CELF5: variants seen among roughly 807,000 people sequenced by gnomAD.
CELF5 encodes CUG-BP and ETR-3 like factor 5.
In CELF5, 6 loss-of-function variants were observed where a neutral mutation model predicts 54.9. The observed-to-expected ratio is 0.11, with a 90% CI of 0.06 to 0.22. CELF5 has a LOEUF of 0.22. Ranked by LOEUF, CELF5 falls within the 10% of genes least tolerant of loss-of-function variation. CELF5 has a pLI of 1.00. For missense variants in CELF5, 401 were observed against 678.6 expected, an observed-to-expected ratio of 0.59 and a Z score of 4.54; for synonymous variants, 271 against 290.9, an observed-to-expected ratio of 0.93 and a Z score of 0.70.
rs1390286007 is a variant in CELF5 at position 3,224,768 on chromosome 19, G to T, written c.29G>T (p.Arg10Leu). MARLTESEA[R>L]RQQQQLLQPR... Reference sequence around the variant, plus strand: ...GCCCGCCTGACGGAGAGCGAGGCGCGCCGGCAGCAGCAGCAGCTCCTGCAG... The same window carrying T: ...GCCCGCCTGACGGAGAGCGAGGCGCTCCGGCAGCAGCAGCAGCTCCTGCAG... Residue 10 changes from arginine to leucine, a missense_variant, in exon 1 of 13, where the codon CGC becomes CTC. Around this residue, in one of 6 missense-constraint regions of CELF5, gnomAD observed 46 missense variants for 55.0 expected, o/e 0.84. Transcript: ENST00000292672. 7.0e-7 allele frequency: 1 copy of T among 1,437,634 alleles called. No individual in the cohort carries two copies. The highest frequency in any genetic ancestry group is 2.9e-5 in the Admixed American group (1 of 34,050). The allele number at this position is 1,437,634 out of a possible 1,614,324, so 89.1% of individuals were successfully genotyped here.
At chr19:3,240,828 C>T (rs2079480995) in intron 1 of CELF5, among the ~76,000 whole-genome samples, 1 of 152,034 alleles carries the variant, frequency 6.6e-6, no homozygotes, top group South Asian at 2.1e-4. Flanking sequence ...GCTCTGCCTC[C>T]TCCTAGCAGG....
At chr19:3,261,204 G>A (rs770136582) in intron 2 of CELF5, among the ~76,000 whole-genome samples, 4 of 152,092 alleles carry the variant, frequency 2.6e-5, no homozygotes, top group Non-Finnish European at 5.9e-5. Flanking sequence ...GGGATCATGA[G>A]GTCAGGAGTT....
intron 11 of CELF5, among the ~76,000 whole-genome samples, chr19:3,292,378 G>A (rs532365819): frequency 6.6e-6 from 1 of 151,158 alleles, no homozygotes; most frequent in Non-Finnish European, 1.5e-5. Context: ...CCATCTCCCA[G>A]GCTCAAGCGA....
intron 2 of CELF5, among the ~76,000 whole-genome samples, chr19:3,269,467 C>A (rs920066223): frequency 6.6e-6 from 1 of 152,108 alleles, no homozygotes; most frequent in Non-Finnish European, 1.5e-5. Context: ...CGTGAGCCAC[C>A]GCGCCCGGCC....
intron 11 of CELF5, 116 bp downstream of exon 11, chr19:3,290,490 A>G: frequency 8.6e-7 from 1 of 1,165,918 alleles, no homozygotes. Context: ...AATCACAATC[A>G]GAACCAGCCT....
intron 8 of CELF5, among the ~76,000 whole-genome samples, chr19:3,283,807 A>G (rs907816107): frequency 1.3e-5 from 2 of 151,390 alleles, no homozygotes; most frequent in Non-Finnish European, 2.9e-5. Context: ...ATTCAACTCC[A>G]GACGGTATTC....
chr19:3,292,564 G>A (rs182117647), intron 11 of CELF5, among the ~76,000 whole-genome samples: 2 of 152,158 alleles, frequency 1.3e-5, no homozygotes, highest in African/African-American at 2.4e-5. Flanking sequence ...GATTACAGGC[G>A]TGAGCCACCA....
chr19:3,247,851 G>A lies in CELF5; in HGVS notation c.260-3134G>A, dbSNP rs534382463. Among the ~76,000 whole-genome samples the A allele has an allele frequency of 1.3e-4, 19 of 151,134 alleles. No homozygotes were observed. The South Asian group carries it at 2.9e-3, about 23-fold the overall frequency. On this transcript the variant is annotated intron_variant, in intron 1 of 12. Transcript: ENST00000292672. ...ATCTTGGCTCATTGCAAACTCTGCC[G>A]CCCGGGTTCAAACGATTCTCATGAC...
At chr19:3,233,840 A>G (rs1027097031) in intron 1 of CELF5, among the ~76,000 whole-genome samples, 7 of 152,204 alleles carry the variant, frequency 4.6e-5, no homozygotes, top group African/African-American at 1.4e-4. Flanking sequence ...GACAATGTGG[A>G]TTCTGGGTCC....
At chr19:3,286,708 G>T (rs1237918010) in intron 10 of CELF5, 2 of 147,396 alleles carry the variant, frequency 1.4e-5, no homozygotes, top group Admixed American at 6.9e-5. Context: ...CTCCAGCCTG[G>T]GTGAGAGAGC....
At chr19:3,258,771 C>G (rs1285043432) in intron 2 of CELF5, among the ~76,000 whole-genome samples, 14 of 151,918 alleles carry the variant, frequency 9.2e-5, no homozygotes, top group Non-Finnish European at 1.6e-4. Context: ...GCCACCACGC[C>G]TGGCTAGTTT....
At chr19:3,279,986 A>G (rs1312254369) in intron 5 of CELF5, among the ~76,000 whole-genome samples, 1 of 152,130 alleles carries the variant, frequency 6.6e-6, no homozygotes, top group Admixed American at 6.5e-5. Flanking sequence ...TACAGGCATG[A>G]GCCACTGTGC....
At chr19:3,283,089 C>T (rs1599474120) in intron 8 of CELF5, among the ~76,000 whole-genome samples, 1 of 152,158 alleles carries the variant, frequency 6.6e-6, no homozygotes, top group African/African-American at 2.4e-5. Context: ...CTGCGCCCAG[C>T]CCATAAATCT....
chr19:3,282,399 G>A lies in CELF5; in HGVS notation c.940G>A (p.Val314Met), dbSNP rs200977944. 665 of 1,612,198 alleles carry A rather than the reference G, an allele frequency of 4.1e-4. No homozygotes were observed. The highest frequency in any genetic ancestry group is 5.2e-4 in the Non-Finnish European group (610 of 1,180,032). The change falls in exon 8 of 13, where the codon GTG (valine) becomes ATG (methionine). Residue 314 changes from valine to methionine, a missense_variant. Physicochemically the swap from Val to Met is conservative, Grantham distance 21. This residue lies in a region of CELF5 where 143 missense variants were observed against 147.6 expected (regional missense o/e 0.97). Transcript: ENST00000292672. The surrounding 1 kb of genome is among the most constrained non-coding windows in gnomAD (Gnocchi z 5.2). Reference protein sequence around the residue: ...LLGTTAVPGLVAPITNGFAGV... With the variant: ...LLGTTAVPGLMAPITNGFAGV... ...GGGCACCACCGCTGTGCCTGGCCTC[G>A]TGGCTCCCATCACCAATGGCTTTGC...
chr19:3,270,526 G>T (rs1275732229), intron 2 of CELF5: 1 of 149,134 alleles, frequency 6.7e-6, no homozygotes, highest in Non-Finnish European at 1.5e-5. Flanking sequence ...GCGCGGGCAG[G>T]GCCCGCCTGG....
chr19:3,282,014 C>G lies in CELF5; in HGVS notation c.751-112C>G. 8.2e-7 allele frequency: 1 copy of G among 1,217,442 alleles called. No homozygotes were observed. Among genetic ancestry groups the G allele is most frequent in the Non-Finnish European group, 1.2e-6 (1 of 842,736 alleles). The allele number at this position is 1,217,442 out of a possible 1,614,324, so 75.4% of individuals were successfully genotyped here. ...GCTCCAATTCTGATCTCAGCCTGAGCCAAGATACCCAGCCTGACCTCCTCA... is the reference window on the plus strand; with the variant it reads ...GCTCCAATTCTGATCTCAGCCTGAGGCAAGATACCCAGCCTGACCTCCTCA... On this transcript the variant is annotated intron_variant, in intron 6 of 12. Transcript: ENST00000292672. This position sits in a 1 kb window ranked among gnomAD's most constrained non-coding sequence, Gnocchi z 5.2.
At chr19:3,276,346 T>G (rs893819952) in intron 4 of CELF5, among the ~76,000 whole-genome samples, 1 of 146,430 alleles carries the variant, frequency 6.8e-6, no homozygotes, top group African/African-American at 2.6e-5. Flanking sequence ...GCTCTGAGGA[T>G]GTAGCCCTGG....
chr19:3,233,343 G>A (rs1335146746), intron 1 of CELF5, among the ~76,000 whole-genome samples: 1 of 152,168 alleles, frequency 6.6e-6, no homozygotes, highest in Admixed American at 6.6e-5. Context: ...GCCATTGAGC[G>A]AGGCTTGAGG....
Position 3,272,746 on chromosome 19 carries a change from G to T in CELF5, c.343-1126G>T, listed in dbSNP as rs537732472. The stretch of plus-strand genomic sequence containing the variant: ...GGGAGGGGGAGGAAGGAGCCCAGAA[G>T]AGTGGGAAGAGTCCCTGCATGGGGG... On this transcript the variant is annotated intron_variant, in intron 2 of 12. Transcript: ENST00000292672. 1.6e-4 allele frequency among the ~76,000 whole-genome samples: 25 copies of T among 152,300 alleles called. No homozygotes were observed. In the East Asian group the frequency reaches 3.9e-3, roughly 24 times the overall value.
Sources: gnomAD v4.1 joint callset for allele counts (sites outside exome capture counted in the v4.1 genomes callset) on GRCh38, gnomAD v4.1.1 for gene constraint, gnomAD v4.1.1 regional missense constraint, Gnocchi (gnomAD v3.1) non-coding constraint, MANE v1.5 for transcripts, NCBI Gene and HGNC (gene_info 2026-07-23, HGNC 2026-07-21) for gene names.